The following SLC15A1 variants were observed in gnomAD, a reference collection of about 807,000 sequenced individuals.
The protein encoded by SLC15A1 is solute carrier family 15 member 1, also known as Caco-2 oligopeptide transporter.
A neutral mutation model predicts 92.9 loss-of-function variants in SLC15A1; 83 were observed. The ratio of observed to expected loss-of-function variants is 0.89; its 90% CI spans 0.75 to 1.07. The LOEUF (loss-of-function observed/expected upper bound fraction) is 1.07. Among genes scored for constraint, SLC15A1 ranks in the 50% least tolerant of loss-of-function variants. The probability of loss-of-function intolerance (pLI) is 0.00; values close to 1 mark genes in which losing one functional copy is unlikely to be tolerated. For missense variants in SLC15A1, 857 were observed against 880.1 expected (o/e 0.97, Z 0.33); for synonymous variants, 322 against 318.2 (o/e 1.01, Z -0.13).
chr13:98,718,158 T>G (rs1289586756), intron 8 of SLC15A1, among the ~76,000 whole-genome samples: 1 of 151,988 alleles, frequency 6.6e-6, no homozygotes, highest in Non-Finnish European at 1.5e-5. Context: ...ATTATGGAAA[T>G]GTAGATGTTC....
intron 1 of SLC15A1, among the ~76,000 whole-genome samples, chr13:98,730,847 C>T (rs1368630022): frequency 1.3e-5 from 2 of 152,260 alleles, no homozygotes; most frequent in African/African-American, 2.4e-5. Context: ...CCTTCTTCTT[C>T]AGCTCCCAGG....
At chr13:98,710,036 T>C (rs2139580806) in intron 11 of SLC15A1, 125 bp from the exon 12 acceptor site, 2 of 892,828 alleles carry the variant, frequency 2.2e-6, no homozygotes, top group East Asian at 2.5e-5. Flanking sequence ...AAAGTTGTTT[T>C]AAACATCAAG....
At chr13:98,745,834 T>C (rs1423891909) in intron 1 of SLC15A1, among the ~76,000 whole-genome samples, 3 of 113,052 alleles carry the variant, frequency 2.7e-5, no homozygotes, top group African/African-American at 9.2e-5. Context: ...TTTAGGTGTC[T>C]TGATGTATTT....
chr13:98,710,045 A>C (rs1358555473), intron 11 of SLC15A1, 134 bp from the exon 12 acceptor site: 3 of 809,864 alleles, frequency 3.7e-6, no homozygotes, highest in African/African-American at 3.5e-5. Flanking sequence ...TTAAACATCA[A>C]GTTAATCTCC....
intron 11 of SLC15A1, among the ~76,000 whole-genome samples, chr13:98,711,290 T>C (rs1463680858): frequency 1.3e-5 from 2 of 152,154 alleles, no homozygotes; most frequent in African/African-American, 4.8e-5. Flanking sequence ...ATGCACTGAG[T>C]TGTCTAACAC....
At chr13:98,712,423 T>C in intron 10 of SLC15A1, 75 bp downstream of exon 10, 1 of 1,178,180 alleles carries the variant, frequency 8.5e-7, no homozygotes, top group Non-Finnish European at 1.3e-6. Flanking sequence ...CCATGTAACC[T>C]TAATCTGAAT....
intron 14 of SLC15A1, among the ~76,000 whole-genome samples, chr13:98,709,280 A>G (rs2088141535): frequency 6.6e-6 from 1 of 152,162 alleles, no homozygotes; most frequent in Non-Finnish European, 1.5e-5. Flanking sequence ...GTATATTTAC[A>G]TTAATTTCTA....
At chr13:98,708,965 TA>T (rs1244814144) in intron 14 of SLC15A1, among the ~76,000 whole-genome samples, 198 bp from the exon 15 acceptor site, 6 of 125,094 alleles carry the variant, frequency 4.8e-5, no homozygotes, top group African/African-American at 6.5e-5. Context: ...TTTGCATATT[TA>T]CTTTTTTTTT....
rs1424556902 is a variant in SLC15A1, at chr13:98,715,878, A to G, written c.723T>C (p.Gly241=). Residue 241 remains glycine, a splice_region_variant and synonymous_variant, in exon 9 of 23, where the codon GGT becomes GGC. Coordinates refer to ENST00000376503, the MANE Select transcript of SLC15A1 (RefSeq NM_005073.4). ...NIMGKVAKCI[G]FAIKNRFRHR... is the part of the protein sequence containing the mutation. The stretch of plus-strand genomic sequence containing the variant: ...GAGAAAGAGCAGCTGAGATACTTAC[A>G]CCGATGCACTTGGCCACTTTACCCA... 1 of 1,613,274 alleles carries G rather than the reference A, an allele frequency of 6.2e-7. No homozygotes were observed. Among genetic ancestry groups the G allele is most frequent in the Non-Finnish European group, 8.5e-7 (1 of 1,179,234 alleles).
intron 1 of SLC15A1, among the ~76,000 whole-genome samples, chr13:98,746,973 A>G (rs1161052740): frequency 1.3e-5 from 2 of 152,072 alleles, no homozygotes; most frequent in Non-Finnish European, 2.9e-5. Flanking sequence ...CTGTGTTCTC[A>G]TAGCTGCCCT....
intron 1 of SLC15A1, among the ~76,000 whole-genome samples, chr13:98,750,204 C>A (rs1282193564): frequency 6.6e-6 from 1 of 152,120 alleles, no homozygotes; most frequent in East Asian, 1.9e-4. Context: ...CCTCTGCCTC[C>A]CGGGTTCAAG....
At chr13:98,686,120 G>C (rs530132230) in intron 22 of SLC15A1, 70 bp downstream of exon 22, 2 of 1,152,646 alleles carry the variant, frequency 1.7e-6, no homozygotes, top group African/African-American at 1.5e-5. Context: ...CAGATGGCTA[G>C]GGAAGGCCAC....
At chr13:98,688,706 T>C (rs2139560779) in intron 18 of SLC15A1, 129 bp from the exon 19 acceptor site, 1 of 696,292 alleles carries the variant, frequency 1.4e-6, no homozygotes, top group Non-Finnish European at 2.4e-6. Context: ...AGAATATTTC[T>C]AGAGAATAAA....
At chr13:98,689,918 A>T (rs942852336) in intron 18 of SLC15A1, among the ~76,000 whole-genome samples, 31 of 152,218 alleles carry the variant, frequency 2.0e-4, no homozygotes, top group African/African-American at 7.2e-4. Context: ...TACGCTTCAT[A>T]TGGAAGCAGG....
rs565892039 is a variant in SLC15A1, at chr13:98,711,792, C to T, written c.900+62G>A. On this transcript the variant is annotated intron_variant, in intron 11 of 22. Transcript: ENST00000376503. ...GTGAAATATGAAGTGAGCCTTGGTA[C>T]CTGGCAGTGCGGGATGTACGCTTGC... 4.4e-5 allele frequency: 53 copies of T among 1,208,176 alleles called. 1 individual carries two copies. In the South Asian group the frequency reaches 4.5e-4, roughly 10 times the overall value. 74.8% of individuals were successfully genotyped at this position (1,208,176 alleles called of 1,614,324 possible). A position where few individuals can be genotyped will look rare whatever the true frequency, so the allele number is the denominator to read the frequency against.
chr13:98,696,407 C>T (rs1418685230), intron 18 of SLC15A1, among the ~76,000 whole-genome samples: 1 of 151,460 alleles, frequency 6.6e-6, no homozygotes, highest in Non-Finnish European at 1.5e-5. Context: ...AGTGAGATTC[C>T]CTCTCAAAAC....
intron 1 of SLC15A1, among the ~76,000 whole-genome samples, chr13:98,733,533 G>A (rs942184258): frequency 3.3e-5 from 5 of 152,108 alleles, no homozygotes; most frequent in Admixed American, 1.3e-4. Context: ...CTAAGCCAAG[G>A]GTAAAGGAGT....
chr13:98,723,100 A>G (rs553944267), intron 5 of SLC15A1, among the ~76,000 whole-genome samples: 1 of 152,272 alleles, frequency 6.6e-6, no homozygotes, highest in African/African-American at 2.4e-5. Flanking sequence ...CTGATATTAC[A>G]GATTAGAAAA....
intron 5 of SLC15A1, among the ~76,000 whole-genome samples, chr13:98,723,580 G>A (rs555175098): frequency 6.6e-6 from 1 of 151,922 alleles, no homozygotes; most frequent in Non-Finnish European, 1.5e-5. Context: ...GACACCTGGC[G>A]GTGTGAAGGA....
Sources: allele counts gnomAD v4.1 joint callset (sites outside exome capture counted in the v4.1 genomes callset), GRCh38; gene constraint gnomAD v4.1.1; transcripts MANE v1.5; gene names NCBI Gene and HGNC (gene_info 2026-07-23, HGNC 2026-07-21).